The following MYT1 variants were observed in gnomAD, a reference collection of about 807,000 sequenced individuals.
MYT1 encodes the protein myelin transcription factor I.
In MYT1, 23 loss-of-function variants were observed where a neutral mutation model predicts 123.0. The ratio of observed to expected loss-of-function variants is 0.19; its 90% CI spans 0.13 to 0.26. The LOEUF (loss-of-function observed/expected upper bound fraction) is 0.26. Ranked by LOEUF, MYT1 falls within the 10% of genes least tolerant of loss-of-function variation. The pLI, the probability that MYT1 is intolerant of heterozygous loss-of-function variation, is 1.00. For missense variants in MYT1, 1,125 were observed against 1,472.5 expected, an observed-to-expected ratio of 0.76 and a Z score of 3.86; for synonymous variants, 518 against 575.3, an observed-to-expected ratio of 0.90 and a Z score of 1.43.
chr20:64,195,368 GTGTGTGTGTGTGTGTGT>G (rs1983082048), intron 2 of MYT1, among the ~76,000 whole-genome samples: 2 of 101,006 alleles, frequency 2.0e-5, no homozygotes, highest in Non-Finnish European at 2.0e-5. Flanking sequence ...GTGTGTGTGT[GTGTGTGTGTGTGTGTGT>G]GTGTGTGTGT....
chr20:64,180,914 C>T (rs759495517), intron 1 of MYT1, among the ~76,000 whole-genome samples: 2 of 152,220 alleles, frequency 1.3e-5, no homozygotes, highest in South Asian at 2.1e-4. Context: ...CCCTTACTCG[C>T]GGTTCAATGC....
At position 64,203,222 on chromosome 20, in the gene MYT1, A is replaced by G. The variant is rs1039058329; in HGVS notation, c.87-1813A>G. Among the ~76,000 whole-genome samples, 2 of 152,202 alleles carry G rather than the reference A, an allele frequency of 1.3e-5. No individual in the cohort carries two copies. The highest frequency in any genetic ancestry group is 4.8e-5 in the African/African-American group (2 of 41,450). ...CTTCTGAGCTGAGGGTGACGTGTTC[A>G]GGGCAGTCCGGTCCCCACAGGCCTC... is the stretch of plus-strand genomic sequence containing the variant. On this transcript the variant is annotated intron_variant, in intron 4 of 22. Transcript: ENST00000328439. This position sits in a 1 kb window ranked among gnomAD's most constrained non-coding sequence, Gnocchi z 5.1.
At chr20:64,223,256 T>A (rs764276738) in intron 15 of MYT1, 35 bp from the exon 16 acceptor site, 2 of 1,613,982 alleles carry the variant, frequency 1.2e-6, no homozygotes, top group Non-Finnish European at 1.7e-6. Flanking sequence ...TCTCCCTCTT[T>A]GGCTTACCCC....
chr20:64,166,506 T>C lies in MYT1; in HGVS notation c.-99+1767T>C, dbSNP rs1982086992. 6.6e-6 allele frequency among the ~76,000 whole-genome samples: 1 copy of C among 152,120 alleles called. No individual in the cohort carries two copies. The highest frequency in any genetic ancestry group is 1.5e-5 in the Non-Finnish European group (1 of 68,004). ...GGAACAGCCTCGGCTCTGACCTCCT[T>C]GGGCCATGAATCCCTGAAGAGGGCC... On this transcript the variant is annotated intron_variant, in intron 1 of 22. Coordinates refer to ENST00000328439, the MANE Select transcript of MYT1 (RefSeq NM_004535.3). This position sits in a 1 kb window ranked among gnomAD's most constrained non-coding sequence, Gnocchi z 4.9.
rs565305094 is a variant in MYT1, at chr20:64,185,547, G to C, written c.-98-4516G>C. ...GTTATTTTGTTCTTGTTTTCAGAGT[G>C]GGGAGGTTTTACACAGTGGAAGGGG... On this transcript the variant is annotated intron_variant, in intron 1 of 22. Coordinates refer to ENST00000328439, the MANE Select transcript of MYT1 (RefSeq NM_004535.3). This position sits in a 1 kb window ranked among gnomAD's most constrained non-coding sequence, Gnocchi z 4.5. 2.0e-5 allele frequency among the ~76,000 whole-genome samples: 3 copies of C among 152,332 alleles called. No homozygotes were observed. The highest frequency in any genetic ancestry group is 2.1e-4 in the South Asian group (1 of 4,828).
Position 64,212,456 on chromosome 20 carries a change from G to C in MYT1, c.1517+318G>C, listed in dbSNP as rs1413071887. 6.6e-6 allele frequency among the ~76,000 whole-genome samples: 1 copy of C among 152,354 alleles called. No individual in the cohort carries two copies. The highest frequency in any genetic ancestry group is 1.9e-4 in the East Asian group (1 of 5,190). Reference sequence around the variant, plus strand: ...GGTGAGGGGCCTTTGTGAGGGCAGAGTGGCAACTGGAGGTGCAGTCACCCA... The same window carrying C: ...GGTGAGGGGCCTTTGTGAGGGCAGACTGGCAACTGGAGGTGCAGTCACCCA... On this transcript the variant is annotated intron_variant, in intron 9 of 22. Transcript: ENST00000328439. The surrounding 1 kb of genome is among the most constrained non-coding windows in gnomAD (Gnocchi z 6.8).
chr20:64,172,857 C>T (rs1170696981), intron 1 of MYT1, among the ~76,000 whole-genome samples: 1 of 147,586 alleles, frequency 6.8e-6, no homozygotes, highest in Non-Finnish European at 1.5e-5. Context: ...AGCAATTCTC[C>T]TGCCTCGGCC....
chr20:64,173,500 GT>G (rs1982354267), intron 1 of MYT1, among the ~76,000 whole-genome samples: 1 of 140,602 alleles, frequency 7.1e-6, no homozygotes, highest in Non-Finnish European at 1.5e-5. Flanking sequence ...CTTTAGTTGT[GT>G]CCATTTCCCC....
chr20:64,175,283 G>A (rs12624704), intron 1 of MYT1, among the ~76,000 whole-genome samples: 1,890 of 37,398 alleles, frequency 0.051, 1 homozygote, highest in Middle Eastern at 0.059. Context: ...GGCTTCTCCT[G>A]CAGCATCTTT....
At chr20:64,226,356 A>G (rs1015630931) in intron 16 of MYT1, among the ~76,000 whole-genome samples, 2 of 152,250 alleles carry the variant, frequency 1.3e-5, no homozygotes, top group African/African-American at 4.8e-5. Context: ...TCTTCCTCCA[A>G]GCGAGGAGAT....
At chr20:64,235,942 C>G (rs1984521524) in intron 19 of MYT1, among the ~76,000 whole-genome samples, 2 of 139,242 alleles carry the variant, frequency 1.4e-5, no homozygotes, top group Admixed American at 7.2e-5. Context: ...GGTGGGTGAC[C>G]CTGGGCTGGA....
intron 2 of MYT1, among the ~76,000 whole-genome samples, chr20:64,197,867 G>T (rs778006359): frequency 1.3e-5 from 2 of 152,224 alleles, no homozygotes; most frequent in Non-Finnish European, 1.5e-5. Flanking sequence ...GATCACAGGT[G>T]GGGAGGGACA....
At chr20:64,198,990 C>G (rs916742088) in intron 3 of MYT1, 74 bp downstream of exon 3, 5 of 1,502,748 alleles carry the variant, frequency 3.3e-6, no homozygotes, top group Non-Finnish European at 4.6e-6. Context: ...GAGCACAAAC[C>G]CCTAACCACA....
chr20:64,211,905 G>A (rs1394958019), intron 8 of MYT1, 143 bp from the exon 9 acceptor site: 3 of 697,202 alleles, frequency 4.3e-6, no homozygotes, highest in African/African-American at 1.7e-5. Flanking sequence ...GCTGCCCTGC[G>A]TTGCTGTGTC....
intron 1 of MYT1, among the ~76,000 whole-genome samples, chr20:64,180,468 T>A (rs1269729752): frequency 6.6e-6 from 1 of 152,218 alleles, no homozygotes; most frequent in East Asian, 1.9e-4. Flanking sequence ...GCACCCTCCT[T>A]ACTCCACACA....
rs1332425451 is a variant in MYT1, at chr20:64,203,678, G to A, written c.87-1357G>A. On this transcript the variant is annotated intron_variant, in intron 4 of 22. Transcript: ENST00000328439. This position sits in a 1 kb window ranked among gnomAD's most constrained non-coding sequence, Gnocchi z 5.1. ...ATGGCTGCTGTTGAGCCAGGGGATA[G>A]GGTAAGGCCTGGATTCTGCTGACGG... is the stretch of plus-strand genomic sequence containing the variant. Among the ~76,000 whole-genome samples the A allele has an allele frequency of 6.6e-6, 1 of 152,192 alleles. No homozygotes were observed. Among genetic ancestry groups the A allele is most frequent in the East Asian group, 1.9e-4 (1 of 5,186 alleles).
At chr20:64,173,353 T>C (rs542628144) in intron 1 of MYT1, among the ~76,000 whole-genome samples, 1 of 152,260 alleles carries the variant, frequency 6.6e-6, no homozygotes, top group East Asian at 1.9e-4. Context: ...AGTGGGTGTC[T>C]TTTGTGGGCT....
intron 12 of MYT1, among the ~76,000 whole-genome samples, 157 bp downstream of exon 12, chr20:64,219,192 C>T (rs1322855780): frequency 2.0e-5 from 3 of 152,232 alleles, no homozygotes; most frequent in Non-Finnish European, 4.4e-5. Flanking sequence ...GCCATGGCCC[C>T]AAGGACCGCA....
In MYT1 at chr20:64,218,737, A is replaced by C; in HGVS notation, c.1847-174A>C. 335 of 638,196 alleles carry C rather than the reference A, an allele frequency of 5.2e-4. No homozygotes were observed. The highest frequency in any genetic ancestry group is 9.8e-4 in the East Asian group (29 of 29,698). 39.5% of individuals were successfully genotyped at this position (638,196 alleles called of 1,614,324 possible). A position where few individuals can be genotyped will look rare whatever the true frequency, so the allele number is the denominator to read the frequency against. ...ATATAGCTGTGCCCTGGGCCCTCCCATCCCTCCCAAAGTGCCCCCTCCCCA... is the reference window on the plus strand; with the variant it reads ...ATATAGCTGTGCCCTGGGCCCTCCCCTCCCTCCCAAAGTGCCCCCTCCCCA... On this transcript the variant is annotated intron_variant, in intron 11 of 22. Transcript: ENST00000328439. The surrounding 1 kb of genome is among the most constrained non-coding windows in gnomAD (Gnocchi z 4.0).
Sources: allele counts gnomAD v4.1 joint callset (sites outside exome capture counted in the v4.1 genomes callset), GRCh38; gene constraint gnomAD v4.1.1; non-coding constraint Gnocchi (gnomAD v3.1); transcripts MANE v1.5; gene names NCBI Gene and HGNC (gene_info 2026-07-23, HGNC 2026-07-21).